Variants in SACS observed in about 807,000 individuals in gnomAD.
SACS encodes sacsin.
Under a neutral mutation model 348.0 loss-of-function variants are expected in SACS, and 197 were observed. That is an observed-to-expected ratio of 0.57 (90% CI 0.50 to 0.64). The LOEUF is 0.64. SACS is among the 30% of genes least tolerant of loss of function. The probability of loss-of-function intolerance (pLI) is 0.00; values close to 1 mark genes in which losing one functional copy is unlikely to be tolerated. For missense variants in SACS, 4,999 were observed against 5,360.8 expected (o/e 0.93, Z 2.11); for synonymous variants, 1,985 against 1,910.6 (o/e 1.04, Z -1.02).
intron 2 of SACS, 119 bp from the exon 3 acceptor site, chr13:23,375,388 C>T (rs1871701019): frequency 1.6e-6 from 2 of 1,244,828 alleles, no homozygotes; most frequent in Non-Finnish European, 2.0e-6. Context: ...GCCCCTAGCG[C>T]CCGCCCCTGA....
chr13:23,382,788 T>C (rs943159044), intron 2 of SACS, among the ~76,000 whole-genome samples: 1 of 145,176 alleles, frequency 6.9e-6, no homozygotes, highest in Non-Finnish European at 1.5e-5. Flanking sequence ...GTGTGGTTTT[T>C]GTTTTTTTTT....
At chr13:23,427,057 A>T (rs1373022003) in intron 1 of SACS, 1 of 152,196 alleles carries the variant, frequency 6.6e-6, no homozygotes, top group Non-Finnish European at 1.5e-5. Flanking sequence ...CCATGGCTTG[A>T]GAATCGCATA....
chr13:23,374,502 T>A (rs1309094688), intron 3 of SACS, among the ~76,000 whole-genome samples: 4 of 152,252 alleles, frequency 2.6e-5, no homozygotes, highest in Non-Finnish European at 5.9e-5. Context: ...GAGTTAACTG[T>A]CAGTAAAATG....
chr13:23,336,828 C>T lies in SACS; in HGVS notation c.7048G>A (p.Glu2350Lys). The T allele has an allele frequency of 6.2e-7, 1 of 1,613,164 alleles. No homozygotes were observed. The highest frequency in any genetic ancestry group is 8.5e-7 in the Non-Finnish European group (1 of 1,179,236). Reference sequence around the variant, plus strand: ...TTTTCTGAGTCAACATATGCATTCTCAACTAGAATGAAGCTAAAGGGTTTT... The same window carrying T: ...TTTTCTGAGTCAACATATGCATTCTTAACTAGAATGAAGCTAAAGGGTTTT... ...KLKPFSFILV[E>K]NAYVDSEKVS... Residue 2350 changes from glutamate to lysine, a missense_variant, in exon 10 of 10, where the codon GAG (glutamate) becomes AAG (lysine). By Grantham distance (56) the Glu-to-Lys change is moderately conservative (BLOSUM62 1). Transcript: ENST00000382292.
At chr13:23,389,015 A>G (rs1356783319) in intron 2 of SACS, among the ~76,000 whole-genome samples, 9 of 152,198 alleles carry the variant, frequency 5.9e-5, no homozygotes, top group African/African-American at 9.6e-5. Context: ...TGAGTTTTCT[A>G]TGGACAAGGC....
In SACS at chr13:23,427,425, C is replaced by T. The variant is rs989607286; in HGVS notation, c.-502+6190G>A. The stretch of plus-strand genomic sequence containing the variant: ...AGCAAGCAGATGTGCCACGCAGTGA[C>T]CTCTTGGCCTTCCCAGCAAAAATAT... On this transcript the variant is annotated intron_variant, in intron 1 of 9. Coordinates refer to ENST00000382292, the MANE Select transcript of SACS (RefSeq NM_014363.6). 11 of 152,242 alleles carry T rather than the reference C, an allele frequency of 7.2e-5. 1 individual carries two copies. The highest frequency in any genetic ancestry group is 1.2e-4 in the African/African-American group (5 of 41,456). 9.4% of individuals were successfully genotyped at this position (152,242 alleles called of 1,614,324 possible). A position where few individuals can be genotyped will look rare whatever the true frequency, so the allele number is the denominator to read the frequency against.
In SACS at chr13:23,332,567, G is replaced by C. The variant is rs1170997950; in HGVS notation, c.11309C>G (p.Ala3770Gly). Residue 3770 changes from alanine to glycine, a missense_variant, in exon 10 of 10, where the codon GCA (alanine) becomes GGA (glycine). Physicochemically the swap from Ala to Gly is moderately conservative, Grantham distance 60. Around this residue, in one of 6 missense-constraint regions of SACS, gnomAD observed 831 missense variants for 941.8 expected, o/e 0.88. Coordinates refer to ENST00000382292, the MANE Select transcript of SACS (RefSeq NM_014363.6). Reference sequence around the variant, plus strand: ...TTCATATATGCTCCTTAAGACTTTTGCTCTAGTTTTTACCATTTCTTCATC... The same window carrying C: ...TTCATATATGCTCCTTAAGACTTTTCCTCTAGTTTTTACCATTTCTTCATC... ...TLDEEMVKTR[A>G]KVLRSIYEFL... The C allele has an allele frequency of 3.7e-6, 6 of 1,613,596 alleles. No homozygotes were observed. In the African/African-American group the frequency reaches 8.0e-5, roughly 22 times the overall value.
intron 2 of SACS, among the ~76,000 whole-genome samples, chr13:23,396,540 T>C (rs1872719444): frequency 6.6e-6 from 1 of 152,108 alleles, no homozygotes; most frequent in Non-Finnish European, 1.5e-5. Context: ...TTATAACCAC[T>C]AGATGTTTAA....
At chr13:23,433,206 G>C (rs1255768388) in intron 1 of SACS, among the ~76,000 whole-genome samples, 2 of 152,060 alleles carry the variant, frequency 1.3e-5, no homozygotes, top group Non-Finnish European at 2.9e-5. Flanking sequence ...TGGACCCCAC[G>C]CTGTGTTACT....
Position 23,335,486 on chromosome 13 carries a change from A to AC in SACS, c.8389_8390insG (p.Ile2797SerfsTer13). 2.5e-6 allele frequency: 4 copies of AC among 1,613,728 alleles called. No individual in the cohort carries two copies. The highest frequency in any genetic ancestry group is 3.4e-6 in the Non-Finnish European group (4 of 1,179,886). ...AGTATAGGTTATTTGTTGAACTGGT[A>AC]TGTCTTTGAGCTGCCTCTTTTTAGT... On this transcript the variant is annotated frameshift_variant, in exon 10 of 10. Coordinates refer to ENST00000382292, the MANE Select transcript of SACS (RefSeq NM_014363.6). LOFTEE classifies it high-confidence loss of function. This position sits in a 1 kb window ranked among gnomAD's most constrained non-coding sequence, Gnocchi z 4.7.
In SACS at chr13:23,381,176, G is replaced by A. The variant is rs79441908; in HGVS notation, c.21-5907C>T. 1.6e-4 allele frequency among the ~76,000 whole-genome samples: 25 copies of A among 152,280 alleles called. No homozygotes were observed. In the East Asian group the frequency reaches 4.2e-3, roughly 26 times the overall value. ...GGCTCCACTTGATTTTCCCTAAGCT[G>A]TGCTGCCTGCAGCTTTGGAGTAAAG... is the stretch of plus-strand genomic sequence containing the variant. On this transcript the variant is annotated intron_variant, in intron 2 of 9. Transcript: ENST00000382292.
chr13:23,351,564 G>A (rs528333014), intron 9 of SACS, among the ~76,000 whole-genome samples: 4 of 152,254 alleles, frequency 2.6e-5, no homozygotes, highest in Admixed American at 6.5e-5. Flanking sequence ...TTAGCCTTCT[G>A]CCATGATTCT....
At chr13:23,342,584 C>A (rs878873023) in intron 9 of SACS, among the ~76,000 whole-genome samples, 1 of 152,190 alleles carries the variant, frequency 6.6e-6, no homozygotes, top group Non-Finnish European at 1.5e-5. Flanking sequence ...ATGAGCATTT[C>A]TTTTGAGTGT....
At chr13:23,375,470 A>G (rs951934088) in intron 2 of SACS, 24 of 1,165,160 alleles carry the variant, frequency 2.1e-5, no homozygotes, top group Non-Finnish European at 2.5e-5. Context: ...CGGGATCCGC[A>G]TGGCGCAGTC....
At chr13:23,376,651 T>C (rs529962218) in intron 2 of SACS, among the ~76,000 whole-genome samples, 1 of 152,326 alleles carries the variant, frequency 6.6e-6, no homozygotes, top group African/African-American at 2.4e-5. Flanking sequence ...ATAGAAGTCA[T>C]GCATGCCTCT....
At chr13:23,386,149 C>A (rs1872284533) in intron 2 of SACS, among the ~76,000 whole-genome samples, 1 of 152,212 alleles carries the variant, frequency 6.6e-6, no homozygotes, top group African/African-American at 2.4e-5. Context: ...GCTGCATTAG[C>A]CCCTAACAAG....
intron 2 of SACS, among the ~76,000 whole-genome samples, chr13:23,397,505 T>C (rs1872755575): frequency 6.6e-6 from 1 of 152,220 alleles, no homozygotes; most frequent in African/African-American, 2.4e-5. Flanking sequence ...CTTGGATTAT[T>C]GATCTGCTCT....
chr13:23,345,220 T>C (rs1389791236), intron 9 of SACS, among the ~76,000 whole-genome samples: 3 of 152,242 alleles, frequency 2.0e-5, no homozygotes, highest in Non-Finnish European at 4.4e-5. Context: ...CAAATCTCTT[T>C]GTAAATGTAC....
chr13:23,411,583 A>G lies in SACS; in HGVS notation c.-344T>C. 4.1e-6 allele frequency: 1 copy of G among 246,412 alleles called. No homozygotes were observed. Among genetic ancestry groups the G allele is most frequent in the Non-Finnish European group, 7.6e-6 (1 of 131,416 alleles). The allele number at this position is 246,412 out of a possible 1,614,324, so 15.3% of individuals were successfully genotyped here. A position where few individuals can be genotyped will look rare whatever the true frequency, so the allele number is the denominator to read the frequency against. ...AAAATCAATTTATTTTCATCTGAGA[A>G]TTTTCTGTATTTCTTTTTGAAGGTT... is the stretch of plus-strand genomic sequence containing the variant. On this transcript the variant is annotated 5_prime_UTR_variant, in exon 2 of 10. Transcript: ENST00000382292.
Sources: gnomAD v4.1 joint callset for allele counts (sites outside exome capture counted in the v4.1 genomes callset) on GRCh38, gnomAD v4.1.1 for gene constraint, gnomAD v4.1.1 regional missense constraint, Gnocchi (gnomAD v3.1) non-coding constraint, MANE v1.5 for transcripts, NCBI Gene and HGNC (gene_info 2026-07-23, HGNC 2026-07-21) for gene names.